The following EDARADD variants were observed in gnomAD, a reference collection of about 807,000 sequenced individuals.
EDARADD encodes ectodysplasin-A receptor-associated adapter protein.
Under a neutral mutation model 25.6 loss-of-function variants are expected in EDARADD, and 20 were observed. The observed-to-expected ratio is 0.78, with a 90% confidence interval of 0.55 to 1.14. EDARADD has a LOEUF of 1.14. EDARADD is among the 50% of genes most tolerant of loss of function. EDARADD has a pLI of 0.00. For missense variants in EDARADD, 225 were observed against 270.1 expected, an observed-to-expected ratio of 0.83 and a Z score of 1.17; for synonymous variants, 86 against 94.4, an observed-to-expected ratio of 0.91 and a Z score of 0.52.
Position 236,482,350 on chromosome 1 carries a change from A to G in EDARADD, c.349A>G (p.Asn117Asp), listed in dbSNP as rs755966826. 8.7e-5 allele frequency: 141 copies of G among 1,614,068 alleles called. No individual in the cohort carries two copies. The highest frequency in any genetic ancestry group is 1.2e-4 in the Non-Finnish European group (138 of 1,180,048). The change falls in exon 6 of 6, where the codon AAT becomes GAT. Residue 117 changes from asparagine to aspartate, a missense_variant. Transcript: ENST00000334232. ...GGCCCCCACCATAAGTGACTTGCTC[A>G]ATGATCAGGACTTACTAGACGTGAT... ...LRAPTISDLL[N>D]DQDLLDVIRI...
intron 4 of EDARADD, among the ~76,000 whole-genome samples, chr1:236,465,054 C>T (rs998192775): frequency 2.0e-5 from 3 of 152,160 alleles, no homozygotes; most frequent in Non-Finnish European, 4.4e-5. Context: ...CTGCATTTCA[C>T]CTCCTTTCCT....
chr1:236,407,978 A>G (rs563116011), intron 1 of EDARADD, among the ~76,000 whole-genome samples: 1 of 152,342 alleles, frequency 6.6e-6, no homozygotes, highest in Non-Finnish European at 1.5e-5. Flanking sequence ...TCAGAAGATT[A>G]AGAAAAATGA....
chr1:236,353,053 G>A (rs535064627), intron 3 of EDARADD, among the ~76,000 whole-genome samples: 1 of 152,056 alleles, frequency 6.6e-6, no homozygotes, highest in South Asian at 2.1e-4. Flanking sequence ...AGTAATAATG[G>A]TACTAACAGT....
intron 4 of EDARADD, among the ~76,000 whole-genome samples, chr1:236,435,372 C>G (rs1658218493): frequency 6.6e-6 from 1 of 152,222 alleles, no homozygotes; most frequent in Admixed American, 6.5e-5. Context: ...ATTGATTAGG[C>G]TATGCCCCTT....
chr1:236,404,618 G>A (rs537264281), intron 1 of EDARADD, among the ~76,000 whole-genome samples: 3 of 152,110 alleles, frequency 2.0e-5, no homozygotes, highest in Non-Finnish European at 4.4e-5. Flanking sequence ...GCGAGACCCC[G>A]TCTCTACAAA....
upstream of EDARADD, among the ~76,000 whole-genome samples, chr1:236,393,342 T>C (rs1204036909): frequency 6.6e-6 from 1 of 151,930 alleles, no homozygotes; most frequent in East Asian, 1.9e-4. Flanking sequence ...AGTGTTTGGG[T>C]ACTATCGGGA....
At chr1:236,467,306 G>A (rs1558134826) in intron 4 of EDARADD, among the ~76,000 whole-genome samples, 1 of 151,706 alleles carries the variant, frequency 6.6e-6, no homozygotes, top group South Asian at 2.1e-4. Flanking sequence ...GGTGGGGGTG[G>A]GGTGGGGGGT....
chr1:236,428,818 C>T (rs1658008328), intron 4 of EDARADD, among the ~76,000 whole-genome samples: 1 of 151,900 alleles, frequency 6.6e-6, no homozygotes, highest in Non-Finnish European at 1.5e-5. Flanking sequence ...GAGCGGAGAT[C>T]ACGCCACTGC....
Position 236,395,722 on chromosome 1 carries a change from G to A in EDARADD, c.61+1217G>A. ...AGCACCGCGGGGCGGGAGCTCGGGA[G>A]GCGCTCGCAGCAGCCGCAGGGCTAT... On this transcript the variant is annotated intron_variant, in intron 1 of 5. Coordinates refer to ENST00000334232, the MANE Select transcript of EDARADD (RefSeq NM_145861.4). The surrounding 1 kb of genome is among the most constrained non-coding windows in gnomAD (Gnocchi z 6.9). The A allele has an allele frequency of 6.6e-7, 1 of 1,523,032 alleles. No individual in the cohort carries two copies. The highest frequency in any genetic ancestry group is 2.0e-5 in the Admixed American group (1 of 50,196). The allele number at this position is 1,523,032 out of a possible 1,614,324, so 94.3% of individuals were successfully genotyped here.
chr1:236,456,217 C>T (rs913013649), intron 4 of EDARADD, among the ~76,000 whole-genome samples: 14 of 152,148 alleles, frequency 9.2e-5, no homozygotes, highest in Admixed American at 3.9e-4. Flanking sequence ...CTTCTGTGAA[C>T]GGAAGCATCG....
At chr1:236,481,443 T>C (rs1012388368) in intron 5 of EDARADD, among the ~76,000 whole-genome samples, 2 of 152,074 alleles carry the variant, frequency 1.3e-5, no homozygotes, top group African/African-American at 2.4e-5. Context: ...TTACTCCTTC[T>C]AGCAAAGCAA....
At chr1:236,355,137 A>G (rs909135684) in intron 3 of EDARADD, among the ~76,000 whole-genome samples, 2 of 152,210 alleles carry the variant, frequency 1.3e-5, no homozygotes, top group Non-Finnish European at 2.9e-5. Context: ...CATCTCATAG[A>G]TTAGTTTTAA....
chr1:236,421,391 T>G (rs1657780705), intron 3 of EDARADD, among the ~76,000 whole-genome samples: 1 of 143,854 alleles, frequency 7.0e-6, no homozygotes, highest in African/African-American at 2.5e-5. Flanking sequence ...CTGTGCGTGG[T>G]CCCCTTGGTA....
chr1:236,398,224 A>G lies in EDARADD; in HGVS notation c.61+3719A>G, dbSNP rs1041575839. 6.6e-6 allele frequency among the ~76,000 whole-genome samples: 1 copy of G among 152,134 alleles called. No homozygotes were observed. Among genetic ancestry groups the G allele is most frequent in the Non-Finnish European group, 1.5e-5 (1 of 68,024 alleles). On this transcript the variant is annotated intron_variant, in intron 1 of 5. Coordinates refer to ENST00000334232, the MANE Select transcript of EDARADD (RefSeq NM_145861.4). The surrounding 1 kb of genome is among the most constrained non-coding windows in gnomAD (Gnocchi z 4.1). The stretch of plus-strand genomic sequence containing the variant: ...ACTGCAACCTCCGCCTCCCGGGTTC[A>G]AGAGATTCTCCTGTCTCAGCCTCCC...
chr1:236,408,496 G>A (rs1223053124), intron 1 of EDARADD, among the ~76,000 whole-genome samples: 1 of 152,002 alleles, frequency 6.6e-6, no homozygotes, highest in Non-Finnish European at 1.5e-5. Context: ...GAGCCACTGC[G>A]TCTGGCCTAT....
chr1:236,460,810 G>A (rs1403569445), intron 4 of EDARADD, among the ~76,000 whole-genome samples: 2 of 149,118 alleles, frequency 1.3e-5, no homozygotes, highest in African/African-American at 4.9e-5. Flanking sequence ...ACATGAGAAA[G>A]TTTTGTGGGG....
intron 2 of EDARADD, among the ~76,000 whole-genome samples, chr1:236,349,420 C>T (rs542264947): frequency 9.9e-5 from 15 of 152,008 alleles, no homozygotes; most frequent in African/African-American, 3.6e-4. Flanking sequence ...TGACATGTGC[C>T]CAAGGTGATC....
Position 236,374,126 on chromosome 1 carries a change from T to C in EDARADD, c.-6+23287T>C, listed in dbSNP as rs548909418. On this transcript the variant is annotated intron_variant, in intron 3 of 7. Transcript: ENST00000439430. The stretch of plus-strand genomic sequence containing the variant: ...AATGTTCATGTGAGCTTGGAAAGAG[T>C]GTGTGTTCTACAGTTGTTAGATGAA... 9.2e-5 allele frequency among the ~76,000 whole-genome samples: 14 copies of C among 152,190 alleles called. No individual in the cohort carries two copies. In the South Asian group the frequency reaches 2.9e-3, roughly 32 times the overall value.
intron 4 of EDARADD, among the ~76,000 whole-genome samples, chr1:236,438,469 C>T (rs1176967233): frequency 6.6e-6 from 1 of 152,094 alleles, no homozygotes; most frequent in East Asian, 1.9e-4. Flanking sequence ...GTGACCAGGG[C>T]TGTGGTGGGT....
Sources: allele counts gnomAD v4.1 joint callset (sites outside exome capture counted in the v4.1 genomes callset), GRCh38; gene constraint gnomAD v4.1.1; non-coding constraint Gnocchi (gnomAD v3.1); transcripts MANE v1.5; gene names NCBI Gene and HGNC (gene_info 2026-07-23, HGNC 2026-07-21).